Variants in CHCHD6 observed in about 807,000 individuals in gnomAD.
CHCHD6 encodes MICOS complex subunit MIC25.
CHCHD6 carries 28 observed loss-of-function variants against 32.3 expected under a neutral mutation model. The observed-to-expected ratio is 0.87, with a 90% CI of 0.64 to 1.19. The LOEUF is 1.19. CHCHD6 is among the 50% of genes most tolerant of loss of function. The probability of loss-of-function intolerance (pLI) is 0.00; values close to 1 mark genes in which losing one functional copy is unlikely to be tolerated. For missense variants in CHCHD6, 333 were observed against 307.0 expected, an observed-to-expected ratio of 1.08 and a Z score of -0.63; for synonymous variants, 122 against 117.5, an observed-to-expected ratio of 1.04 and a Z score of -0.25.
intron 4 of CHCHD6, among the ~76,000 whole-genome samples, chr3:126,782,596 G>A (rs528136774): frequency 2.0e-5 from 3 of 152,326 alleles, no homozygotes; most frequent in Admixed American, 1.3e-4. Context: ...GAAGAAGCAG[G>A]CCTTAGAAGA....
intron 5 of CHCHD6, among the ~76,000 whole-genome samples, chr3:126,909,207 T>C (rs889683451): frequency 6.6e-6 from 1 of 152,226 alleles, no homozygotes; most frequent in Non-Finnish European, 1.5e-5. Context: ...CTCTCCCCAA[T>C]GTCCACAGAT....
intron 4 of CHCHD6, among the ~76,000 whole-genome samples, chr3:126,851,875 G>A (rs1487421439): frequency 6.6e-6 from 1 of 152,218 alleles, no homozygotes; most frequent in Non-Finnish European, 1.5e-5. Context: ...TGGAGGTCAG[G>A]AACTTGTTCA....
intron 6 of CHCHD6, among the ~76,000 whole-genome samples, chr3:126,922,421 T>C (rs2107594550): frequency 6.6e-6 from 1 of 152,312 alleles, no homozygotes; most frequent in Non-Finnish European, 1.5e-5. Flanking sequence ...ATAATCCACA[T>C]TTGCTTACAG....
intron 3 of CHCHD6, among the ~76,000 whole-genome samples, chr3:126,731,255 A>G (rs954743073): frequency 6.6e-5 from 10 of 152,180 alleles, no homozygotes; most frequent in African/African-American, 2.4e-4. Context: ...TGTCCAGATG[A>G]ACTGGCTCCA....
chr3:126,904,190 C>A (rs1396817000), intron 5 of CHCHD6, among the ~76,000 whole-genome samples: 2 of 152,186 alleles, frequency 1.3e-5, no homozygotes, highest in Non-Finnish European at 2.9e-5. Flanking sequence ...TACAGAGCTG[C>A]CTTTCACCCC....
At chr3:126,927,525 C>G (rs1270593568) in intron 6 of CHCHD6, among the ~76,000 whole-genome samples, 2 of 152,208 alleles carry the variant, frequency 1.3e-5, no homozygotes, top group Non-Finnish European at 2.9e-5. Context: ...TTTCTGAGTG[C>G]TCAGAGATCC....
intron 4 of CHCHD6, among the ~76,000 whole-genome samples, chr3:126,815,183 T>C (rs1158074071): frequency 6.6e-6 from 1 of 152,184 alleles, no homozygotes; most frequent in Non-Finnish European, 1.5e-5. Flanking sequence ...AGAAACAAGT[T>C]AATATCCTAA....
intron 4 of CHCHD6, chr3:126,767,339 G>T (rs114294428): frequency 2.7e-5 from 24 of 891,008 alleles, no homozygotes; most frequent in Non-Finnish European, 4.6e-5. Context: ...CAAGGCCAAG[G>T]TGTAGTTCTG....
At chr3:126,864,461 ACCT>A (rs368125134) in intron 5 of CHCHD6, among the ~76,000 whole-genome samples, 3 of 112,492 alleles carry the variant, frequency 2.7e-5, no homozygotes, top group East Asian at 5.2e-4. Context: ...TGCCACCACC[ACCT>A]CCTCCTCCTC....
At chr3:126,791,979 C>T (rs1375510581) in intron 4 of CHCHD6, among the ~76,000 whole-genome samples, 3 of 152,112 alleles carry the variant, frequency 2.0e-5, no homozygotes, top group Non-Finnish European at 4.4e-5. Context: ...TAGTATTTGT[C>T]CATCTTTGGC....
intron 4 of CHCHD6, among the ~76,000 whole-genome samples, chr3:126,779,831 T>C (rs1406265873): frequency 2.6e-5 from 4 of 152,220 alleles, no homozygotes. Context: ...TTGTATGTCT[T>C]ATCTGCCCTA....
At chr3:126,866,016 G>C (rs1283273203) in intron 5 of CHCHD6, among the ~76,000 whole-genome samples, 1 of 152,122 alleles carries the variant, frequency 6.6e-6, no homozygotes, top group Non-Finnish European at 1.5e-5. Context: ...TGGGGTTGGG[G>C]AGTGCAGAGA....
chr3:126,727,181 A>G lies in CHCHD6; in HGVS notation c.191A>G (p.His64Arg). The G allele has an allele frequency of 6.2e-7, 1 of 1,601,008 alleles. No individual in the cohort carries two copies. Among genetic ancestry groups the G allele is most frequent in the Non-Finnish European group, 8.6e-7 (1 of 1,168,064 alleles). Residue 64 changes from histidine to arginine, a missense_variant, in exon 2 of 8, where the codon CAC (histidine) becomes CGC (arginine). By Grantham distance (29) the His-to-Arg change is conservative. Coordinates refer to ENST00000290913, the MANE Select transcript of CHCHD6 (RefSeq NM_032343.3). Reference sequence around the variant, plus strand: ...CAAGATGGCAACTTGAGAGCCCCTCACAAAGGTATGGGGATTGTGACAGTT... The same window carrying G: ...CAAGATGGCAACTTGAGAGCCCCTCGCAAAGGTATGGGGATTGTGACAGTT... ...GLQDGNLRAP[H>R]KESTLPRSGS...
chr3:126,795,385 C>A (rs1938745982), intron 4 of CHCHD6, among the ~76,000 whole-genome samples: 1 of 152,196 alleles, frequency 6.6e-6, no homozygotes, highest in African/African-American at 2.4e-5. Flanking sequence ...ATGTAATTGG[C>A]ATTCAGTGAA....
chr3:126,839,304 G>T (rs1329771807), intron 4 of CHCHD6, among the ~76,000 whole-genome samples: 2 of 152,114 alleles, frequency 1.3e-5, no homozygotes, highest in Non-Finnish European at 2.9e-5. Flanking sequence ...GTACAAGCAG[G>T]TAAACAGAAA....
At chr3:126,863,863 TCC>T (rs1942096877) in intron 5 of CHCHD6, among the ~76,000 whole-genome samples, 1 of 138,272 alleles carries the variant, frequency 7.2e-6, no homozygotes, top group African/African-American at 2.7e-5. Flanking sequence ...CAACACCTCC[TCC>T]TCCTCCACCA....
chr3:126,861,388 A>G (rs1023427645), intron 5 of CHCHD6, among the ~76,000 whole-genome samples: 2 of 151,936 alleles, frequency 1.3e-5, no homozygotes, highest in African/African-American at 4.8e-5. Context: ...TTCTTCATCT[A>G]TATAAAGTTT....
At chr3:126,777,069 C>G (rs915086349) in intron 4 of CHCHD6, among the ~76,000 whole-genome samples, 3 of 152,192 alleles carry the variant, frequency 2.0e-5, no homozygotes, top group Non-Finnish European at 4.4e-5. Flanking sequence ...TCAGACTTCA[C>G]CTGCCACACC....
chr3:126,787,394 G>T (rs1938271252), intron 4 of CHCHD6, among the ~76,000 whole-genome samples: 1 of 152,172 alleles, frequency 6.6e-6, no homozygotes, highest in Non-Finnish European at 1.5e-5. Context: ...GGATGGCATT[G>T]AATCTATAAG....
Sources: allele counts gnomAD v4.1 joint callset (sites outside exome capture counted in the v4.1 genomes callset), GRCh38; gene constraint gnomAD v4.1.1; transcripts MANE v1.5; gene names NCBI Gene and HGNC (gene_info 2026-07-23, HGNC 2026-07-21).